RPL39L: variants seen among roughly 807,000 people sequenced by gnomAD.
RPL39L encodes the protein ribosomal protein L39 like.
For missense variants in RPL39L, 48 were observed against 58.9 expected (o/e 0.81, Z 0.61); for synonymous variants, 16 against 20.1 (o/e 0.80, Z 0.55).
At chr3:187,137,198 CAAAAAAAAAAAA>C (rs33967617) in intron 1 of RPL39L, among the ~76,000 whole-genome samples, 4 of 37,626 alleles carry the variant, frequency 1.1e-4, no homozygotes, top group Non-Finnish European at 1.5e-4. Context: ...CACTCTTCCT[CAAAAAAAAAAAA>C]AAAAAAAAAA....
chr3:187,121,158 T>G lies in RPL39L; in HGVS notation c.143A>C (p.Lys48Thr). ...NSKRRHWRRTKLGL is the reference protein window; with the variant it reads ...NSKRRHWRRTTLGL ...ATGTGCAATTCCTTATAGACCCAGC[T>G]TGGTTCTTCTCCAATGCCTCCTTTT... The change falls in exon 3 of 3, where the codon AAG (lysine) becomes ACG (threonine). Residue 48 changes from lysine to threonine, a missense_variant. By Grantham distance (78) the Lys-to-Thr change is moderately conservative. Coordinates refer to ENST00000296277, the MANE Select transcript of RPL39L (RefSeq NM_052969.3). 1 of 1,613,798 alleles carries G rather than the reference T, an allele frequency of 6.2e-7. No individual in the cohort carries two copies. The highest frequency in any genetic ancestry group is 8.5e-7 in the Non-Finnish European group (1 of 1,179,844).
rs1720297016 is a variant in RPL39L, at chr3:187,120,995, T to C, written c.*150A>G. ...ATATTTATTACTGAATCCACCCTAC[T>C]AGCACAGAGCATACAGAAAAACAGA... On this transcript the variant is annotated 3_prime_UTR_variant, in exon 3 of 3. Coordinates refer to ENST00000296277, the MANE Select transcript of RPL39L (RefSeq NM_052969.3). 1.6e-5 allele frequency: 13 copies of C among 814,676 alleles called. No individual in the cohort carries two copies. The East Asian group carries it at 3.2e-4, about 20-fold the overall frequency. The allele number at this position is 814,676 out of a possible 1,614,324, so 50.5% of individuals were successfully genotyped here. A position where few individuals can be genotyped will look rare whatever the true frequency, so the allele number is the denominator to read the frequency against.
rs1440896087 is a variant in RPL39L at position 187,121,194 on chromosome 3, C to T, written c.107G>A (p.Arg36Lys). The change falls in exon 3 of 3, where the codon AGG becomes AAG. Residue 36 changes from arginine (R) to lysine (K), a missense_variant. Physicochemically the swap from Arg to Lys is conservative, Grantham distance 26. Coordinates refer to ENST00000296277, the MANE Select transcript of RPL39L (RefSeq NM_052969.3). ...CCAATGCCTCCTTTTGGAGTTGTACCTGATTTTACTACCAGGTTTCATCTG... is the reference window on the plus strand; with the variant it reads ...CCAATGCCTCCTTTTGGAGTTGTACTTGATTTTACTACCAGGTTTCATCTG... Reference protein sequence around the residue: ...WIQMKPGSKIRYNSKRRHWRR... With the variant: ...WIQMKPGSKIKYNSKRRHWRR... 1 of 1,613,744 alleles carries T rather than the reference C, an allele frequency of 6.2e-7. No homozygotes were observed. Among genetic ancestry groups the T allele is most frequent in the African/African-American group, 1.3e-5 (1 of 74,874 alleles).
chr3:187,130,725 A>G (rs1720471888), intron 1 of RPL39L, among the ~76,000 whole-genome samples: 1 of 152,246 alleles, frequency 6.6e-6, no homozygotes. Flanking sequence ...GAATGGCCTA[A>G]CACATTCTCA....
At chr3:187,123,493 T>G (rs1459451047) in intron 2 of RPL39L, among the ~76,000 whole-genome samples, 2 of 152,228 alleles carry the variant, frequency 1.3e-5, no homozygotes, top group African/African-American at 4.8e-5. Flanking sequence ...ATTGACCACA[T>G]GCTGACTTTA....
At chr3:187,127,447 T>C (rs1382966909) in intron 2 of RPL39L, among the ~76,000 whole-genome samples, 2 of 152,240 alleles carry the variant, frequency 1.3e-5, no homozygotes, top group African/African-American at 2.4e-5. Flanking sequence ...GTCACCTGTG[T>C]GGAGAAGGGC....
At chr3:187,129,405 G>A (rs985544847) in intron 1 of RPL39L, among the ~76,000 whole-genome samples, 12 of 152,140 alleles carry the variant, frequency 7.9e-5, no homozygotes, top group East Asian at 3.8e-4. Flanking sequence ...GGATCACTTC[G>A]ATTTAGAAAG....
intron 1 of RPL39L, 25 bp from the exon 2 acceptor site, chr3:187,128,087 A>C (rs552136717): frequency 1.3e-5 from 2 of 152,236 alleles, no homozygotes; most frequent in African/African-American, 2.4e-5. Flanking sequence ...TCCAGTGTGT[A>C]ATGGTAACAG....
In RPL39L at chr3:187,121,193, C is replaced by A. The variant is rs2108466206; in HGVS notation, c.108G>T (p.Arg36Ser). The stretch of plus-strand genomic sequence containing the variant: ...TCCAATGCCTCCTTTTGGAGTTGTA[C>A]CTGATTTTACTACCAGGTTTCATCT... ...WIQMKPGSKIRYNSKRRHWRR... is the reference protein window; with the variant it reads ...WIQMKPGSKISYNSKRRHWRR... Residue 36 changes from arginine (R) to serine (S), a missense_variant, in exon 3 of 3, where the codon AGG becomes AGT. Physicochemically the swap from Arg to Ser is moderately radical, Grantham distance 110. Transcript: ENST00000296277. The A allele has an allele frequency of 6.2e-7, 1 of 1,613,856 alleles. No homozygotes were observed. The highest frequency in any genetic ancestry group is 8.5e-7 in the Non-Finnish European group (1 of 1,179,844).
At chr3:187,130,089 A>G (rs889541956) in intron 1 of RPL39L, among the ~76,000 whole-genome samples, 3 of 152,190 alleles carry the variant, frequency 2.0e-5, no homozygotes, top group East Asian at 1.9e-4. Flanking sequence ...CTCCTTCAAG[A>G]CAGCCCTTGC....
chr3:187,128,269 T>C (rs1322341926), intron 1 of RPL39L, among the ~76,000 whole-genome samples: 2 of 152,238 alleles, frequency 1.3e-5, no homozygotes, highest in African/African-American at 4.8e-5. Context: ...GTGCAGCCTG[T>C]GCTTGCTTTT....
chr3:187,135,469 C>CT (rs1491332447), intron 1 of RPL39L, among the ~76,000 whole-genome samples: 13 of 152,192 alleles, frequency 8.5e-5, no homozygotes, highest in South Asian at 2.1e-4. Flanking sequence ...CACAAGCTCT[C>CT]TGTTTGCCTG....
At chr3:187,136,050 C>A (rs1010476533) in intron 1 of RPL39L, among the ~76,000 whole-genome samples, 1 of 152,224 alleles carries the variant, frequency 6.6e-6, no homozygotes, top group Non-Finnish European at 1.5e-5. Context: ...AAGCTAACAT[C>A]TTCCCTCATC....
chr3:187,136,780 TTC>T (rs1184090482), intron 1 of RPL39L, among the ~76,000 whole-genome samples: 1 of 152,204 alleles, frequency 6.6e-6, no homozygotes, highest in Non-Finnish European at 1.5e-5. Context: ...ATTTAAAATT[TTC>T]TGAGTCATGT....
At chr3:187,131,038 A>G (rs1720476108) in intron 1 of RPL39L, among the ~76,000 whole-genome samples, 1 of 152,196 alleles carries the variant, frequency 6.6e-6, no homozygotes, top group Admixed American at 6.5e-5. Flanking sequence ...AGCTTTCTCT[A>G]CATCCTTGGT....
At chr3:187,128,952 C>T (rs1349893058) in intron 1 of RPL39L, among the ~76,000 whole-genome samples, 2 of 152,162 alleles carry the variant, frequency 1.3e-5, no homozygotes, top group Non-Finnish European at 2.9e-5. Flanking sequence ...CACTATTGTA[C>T]CTCTTGCTTG....
intron 2 of RPL39L, among the ~76,000 whole-genome samples, chr3:187,122,078 A>G (rs1404178328): frequency 6.6e-6 from 1 of 152,198 alleles, no homozygotes; most frequent in Non-Finnish European, 1.5e-5. Flanking sequence ...AAACTATCTC[A>G]CGGTACTTTC....
At chr3:187,132,592 TC>T (rs924651946) in intron 1 of RPL39L, among the ~76,000 whole-genome samples, 2 of 152,142 alleles carry the variant, frequency 1.3e-5, no homozygotes, top group African/African-American at 4.8e-5. Context: ...AACAGATGTT[TC>T]CCCCCGTATG....
At chr3:187,135,877 A>G (rs1720570816) in intron 1 of RPL39L, among the ~76,000 whole-genome samples, 1 of 152,266 alleles carries the variant, frequency 6.6e-6, no homozygotes, top group African/African-American at 2.4e-5. Context: ...TAGAAGGTGT[A>G]GGAGGAGCAG....
Sources: gnomAD v4.1 joint callset for allele counts (sites outside exome capture counted in the v4.1 genomes callset) on GRCh38, gnomAD v4.1.1 for gene constraint, MANE v1.5 for transcripts, NCBI Gene and HGNC (gene_info 2026-07-23, HGNC 2026-07-21) for gene names.